SNX13: variants seen among roughly 807,000 people sequenced by gnomAD.
The protein encoded by SNX13 is sorting nexin-13.
Under a neutral mutation model 133.6 loss-of-function variants are expected in SNX13, and 45 were observed. The observed-to-expected ratio is 0.34, with a 90% CI of 0.27 to 0.43. The LOEUF (loss-of-function observed/expected upper bound fraction) is 0.43. Among genes scored for constraint, SNX13 ranks in the 20% least tolerant of loss-of-function variants. The pLI, the probability that SNX13 is intolerant of heterozygous loss-of-function variation, is 1.00. For synonymous variants in SNX13, 414 were observed against 373.9 expected (o/e 1.11, Z -1.24); for missense variants, 1,032 against 1,145.1 (o/e 0.90, Z 1.43).
At chr7:17,798,119 T>C (rs1002826837) in intron 24 of SNX13, among the ~76,000 whole-genome samples, 14 of 151,884 alleles carry the variant, frequency 9.2e-5, no homozygotes, top group African/African-American at 2.9e-4. Flanking sequence ...AAGAGGTTTA[T>C]TTCTCTACTA....
chr7:17,871,295 G>A (rs551503039), intron 8 of SNX13, among the ~76,000 whole-genome samples: 5 of 152,222 alleles, frequency 3.3e-5, no homozygotes, highest in South Asian at 4.1e-4. Flanking sequence ...GTGAGCCACC[G>A]CGCCTGGCCA....
chr7:17,923,432 GCAAA>G (rs1800356451), intron 1 of SNX13, among the ~76,000 whole-genome samples: 1 of 152,108 alleles, frequency 6.6e-6, no homozygotes, highest in African/African-American at 2.4e-5. Context: ...AGCAATGAGG[GCAAA>G]CAGACTGCTG....
At chr7:17,833,735 T>C (rs960389832) in intron 15 of SNX13, among the ~76,000 whole-genome samples, 9 of 151,726 alleles carry the variant, frequency 5.9e-5, no homozygotes, top group South Asian at 4.1e-4. Flanking sequence ...AATAATTCTA[T>C]TGTTAATCAT....
At chr7:17,862,413 A>C (rs955874403) in intron 9 of SNX13, among the ~76,000 whole-genome samples, 1 of 152,208 alleles carries the variant, frequency 6.6e-6, no homozygotes, top group African/African-American at 2.4e-5. Context: ...ATTTTATTAC[A>C]TAATCCATAC....
chr7:17,854,604 T>C, intron 9 of SNX13, among the ~76,000 whole-genome samples: 1 of 152,210 alleles, frequency 6.6e-6, no homozygotes, highest in East Asian at 1.9e-4. Context: ...ACTTTTTCAT[T>C]ATTACTATAT....
chr7:17,845,555 T>C, intron 12 of SNX13, 40 bp downstream of exon 12: 1 of 1,309,574 alleles, frequency 7.6e-7, no homozygotes, highest in Non-Finnish European at 1.1e-6. Context: ...GAAAAAGAAA[T>C]TCAATGGCTG....
intron 9 of SNX13, among the ~76,000 whole-genome samples, chr7:17,853,857 C>T (rs1791542269): frequency 6.6e-6 from 1 of 152,204 alleles, no homozygotes; most frequent in Admixed American, 6.5e-5. Flanking sequence ...CAGAGAATTG[C>T]TTGAACCCGG....
chr7:17,928,155 T>C (rs1243327622), intron 1 of SNX13, among the ~76,000 whole-genome samples: 2 of 152,174 alleles, frequency 1.3e-5, no homozygotes, highest in African/African-American at 4.8e-5. Context: ...CATTTCTTTC[T>C]TATGAAAAGG....
In SNX13 at chr7:17,938,247, T is replaced by C. The variant is rs1802336690; in HGVS notation, c.12+2037A>G. ...TACTGACAATATTCAGACAAGGAAG[T>C]ACAATAGCATGTTTTAAAATCTATC... On this transcript the variant is annotated intron_variant, in intron 1 of 25. Transcript: ENST00000428135. Among the ~76,000 whole-genome samples the C allele has an allele frequency of 2.6e-5, 4 of 152,204 alleles. No homozygotes were observed. The South Asian group carries it at 8.3e-4, about 31-fold the overall frequency.
chr7:17,830,872 T>G (rs1173760992), intron 15 of SNX13: 1 of 984,216 alleles, frequency 1.0e-6, no homozygotes, highest in Non-Finnish European at 1.2e-6. Context: ...AAATGGGTCT[T>G]CAAAAAAGCA....
intron 11 of SNX13, among the ~76,000 whole-genome samples, chr7:17,847,044 T>G (rs539068952): frequency 4.6e-5 from 7 of 152,262 alleles, no homozygotes; most frequent in Middle Eastern, 6.8e-3. Context: ...AATATCTAAA[T>G]TTTAAAAGGA....
intron 11 of SNX13, among the ~76,000 whole-genome samples, chr7:17,849,457 T>C (rs1377823300): frequency 6.6e-6 from 1 of 152,202 alleles, no homozygotes; most frequent in African/African-American, 2.4e-5. Flanking sequence ...TCTCACACTT[T>C]GTGTCTATTC....
intron 16 of SNX13, among the ~76,000 whole-genome samples, chr7:17,827,563 A>T (rs1243998699): frequency 6.6e-6 from 1 of 151,970 alleles, no homozygotes; most frequent in African/African-American, 2.4e-5. Flanking sequence ...TGATAATTCT[A>T]TACAGATAAT....
chr7:17,924,955 C>T (rs1291503659), intron 1 of SNX13, among the ~76,000 whole-genome samples: 6 of 152,148 alleles, frequency 3.9e-5, no homozygotes, highest in South Asian at 2.1e-4. Flanking sequence ...CCCCTGTAAT[C>T]CCAGCACTTT....
At chr7:17,881,827 T>C (rs1207213095) in intron 5 of SNX13, 1 of 152,172 alleles carries the variant, frequency 6.6e-6, no homozygotes, top group Non-Finnish European at 1.5e-5. Context: ...CAGGCTGAAA[T>C]TGAATTTGGG....
In SNX13 at chr7:17,798,670, G is replaced by C. The variant is rs765148565; in HGVS notation, c.2513+20C>G. Reference sequence around the variant, plus strand: ...AAACTCTGTACTACCTGAAAGAAGTGACTGTGTCTTAAGATATACCTGAAA... The same window carrying C: ...AAACTCTGTACTACCTGAAAGAAGTCACTGTGTCTTAAGATATACCTGAAA... On this transcript the variant is annotated intron_variant, in intron 24 of 25. Coordinates refer to ENST00000428135, the MANE Select transcript of SNX13 (RefSeq NM_015132.5). 6.5e-7 allele frequency: 1 copy of C among 1,542,546 alleles called. No homozygotes were observed. The highest frequency in any genetic ancestry group is 8.8e-7 in the Non-Finnish European group (1 of 1,135,034).
intron 5 of SNX13, chr7:17,883,061 G>C (rs1039934808): frequency 3.9e-6 from 1 of 256,678 alleles, no homozygotes. Flanking sequence ...GAAGTAATAA[G>C]CAAATTGGTG....
At chr7:17,795,412 G>A (rs1783938120) in intron 25 of SNX13, 1 of 151,548 alleles carries the variant, frequency 6.6e-6, no homozygotes, top group African/African-American at 2.4e-5. Context: ...AATAGGCAAG[G>A]ATTATGTATA....
At chr7:17,794,349 C>T (rs1783828544) in intron 25 of SNX13, 57 bp from the exon 26 acceptor site, 2 of 1,547,020 alleles carry the variant, frequency 1.3e-6, no homozygotes, top group Non-Finnish European at 1.7e-6. Context: ...AAGGCCTAAA[C>T]TCTTAAATGT....
Sources: allele counts gnomAD v4.1 joint callset (sites outside exome capture counted in the v4.1 genomes callset), GRCh38; gene constraint gnomAD v4.1.1; transcripts MANE v1.5; gene names NCBI Gene and HGNC (gene_info 2026-07-23, HGNC 2026-07-21).